Variants in VRK2 observed in about 807,000 individuals in gnomAD.
VRK2 encodes serine/threonine-protein kinase VRK2.
In VRK2, 60 loss-of-function variants were observed where a neutral mutation model predicts 57.6. The ratio of observed to expected loss-of-function variants is 1.04; its 90% CI spans 0.85 to 1.29. The LOEUF is 1.29. VRK2 is among the 50% of genes most tolerant of loss of function. The pLI is 0.00. For missense variants in VRK2, 705 were observed against 588.1 expected (o/e 1.20, Z -2.06); for synonymous variants, 231 against 199.2 (o/e 1.16, Z -1.35).
At chr2:58,001,232 G>A (rs901903540) in intron 1 of VRK2, among the ~76,000 whole-genome samples, 4 of 152,072 alleles carry the variant, frequency 2.6e-5, no homozygotes, top group African/African-American at 9.7e-5. Context: ...GAATAATCAG[G>A]TTTCAAAGTG....
At chr2:58,058,822 C>G (rs754092413) in intron 2 of VRK2, among the ~76,000 whole-genome samples, 2 of 151,960 alleles carry the variant, frequency 1.3e-5, no homozygotes, top group African/African-American at 2.4e-5. Context: ...AAAGAGGATA[C>G]GTAAATTACC....
intron 7 of VRK2, among the ~76,000 whole-genome samples, chr2:58,117,054 G>A (rs13017439): frequency 0.31 from 47,277 of 151,984 alleles, 8,599 homozygotes; most frequent in East Asian, 0.43. Context: ...TGTGGGGTTT[G>A]AGGGCCAGAT....
intron 1 of VRK2, among the ~76,000 whole-genome samples, chr2:57,955,780 A>G (rs1671568921): frequency 6.6e-6 from 1 of 152,190 alleles, no homozygotes; most frequent in African/African-American, 2.4e-5. Context: ...AATAAAATTT[A>G]CTGTGAGAGA....
intron 2 of VRK2, among the ~76,000 whole-genome samples, chr2:58,059,506 G>T (rs921986899): frequency 6.6e-6 from 1 of 151,818 alleles, no homozygotes; most frequent in Non-Finnish European, 1.5e-5. Context: ...GCTTAGAAAA[G>T]TAGGCCTTTT....
chr2:58,143,808 C>G (rs940631331), intron 11 of VRK2, among the ~76,000 whole-genome samples: 56 of 151,776 alleles, frequency 3.7e-4, no homozygotes, highest in African/African-American at 1.3e-3. Flanking sequence ...TCACAATAAT[C>G]AAGATACAGC....
intron 1 of VRK2, among the ~76,000 whole-genome samples, chr2:58,022,649 G>A (rs1005297913): frequency 4.6e-5 from 7 of 152,214 alleles, no homozygotes; most frequent in Admixed American, 1.3e-4. Context: ...GCCGAGGTGG[G>A]CAGATCACTT....
At chr2:58,076,612 A>T (rs1317740356) in intron 2 of VRK2, among the ~76,000 whole-genome samples, 1 of 151,540 alleles carries the variant, frequency 6.6e-6, no homozygotes, top group Non-Finnish European at 1.5e-5. Context: ...TAGGTTTTTT[A>T]TTTTTTGAAT....
intron 2 of VRK2, among the ~76,000 whole-genome samples, chr2:58,051,065 GA>G (rs1213974959): frequency 6.6e-6 from 1 of 152,114 alleles, no homozygotes; most frequent in Non-Finnish European, 1.5e-5. Flanking sequence ...GGATGGTCTC[GA>G]ACTCCTGACC....
At chr2:58,079,830 A>C (rs1214742361) in intron 2 of VRK2, among the ~76,000 whole-genome samples, 2 of 151,998 alleles carry the variant, frequency 1.3e-5, no homozygotes, top group Non-Finnish European at 2.9e-5. Context: ...TATGGTTGCT[A>C]GGTGTCCTCA....
chr2:57,961,735 T>A (rs182032047), intron 1 of VRK2, among the ~76,000 whole-genome samples: 183 of 150,212 alleles, frequency 1.2e-3, no homozygotes, highest in Non-Finnish European at 2.3e-3. Context: ...GACACAGACA[T>A]CAATACTTTC....
At chr2:58,002,720 A>G (rs1673127940) in intron 1 of VRK2, among the ~76,000 whole-genome samples, 1 of 152,228 alleles carries the variant, frequency 6.6e-6, no homozygotes, top group Non-Finnish European at 1.5e-5. Context: ...GGTAGAAATG[A>G]GCATAGGAAA....
chr2:58,066,992 C>G (rs1178046813), intron 2 of VRK2, among the ~76,000 whole-genome samples: 1 of 152,180 alleles, frequency 6.6e-6, no homozygotes, highest in East Asian at 1.9e-4. Context: ...TGGGCAGCAT[C>G]TAATCAGCTT....
intron 5 of VRK2, among the ~76,000 whole-genome samples, chr2:58,087,501 A>G (rs4672230): frequency 0.013 from 2,056 of 152,318 alleles, 64 homozygotes; most frequent in Admixed American, 0.082. Flanking sequence ...TTTGTAAAAC[A>G]AATTCCTAAG....
chr2:58,080,132 C>T (rs1431053992), intron 2 of VRK2, among the ~76,000 whole-genome samples: 2 of 151,858 alleles, frequency 1.3e-5, no homozygotes, highest in Non-Finnish European at 2.9e-5. Context: ...CAGAGGAAGA[C>T]AAGTAATAAA....
At chr2:58,140,250 A>G (rs1376542199) in intron 11 of VRK2, among the ~76,000 whole-genome samples, 5 of 151,988 alleles carry the variant, frequency 3.3e-5, no homozygotes, top group Non-Finnish European at 5.9e-5. Context: ...TGATATTTCA[A>G]TCCATGGAAA....
At chr2:58,130,035 A>G (rs1340633005) in intron 8 of VRK2, among the ~76,000 whole-genome samples, 1 of 152,180 alleles carries the variant, frequency 6.6e-6, no homozygotes, top group African/African-American at 2.4e-5. Context: ...TCAAATGAAG[A>G]CCAGTTTATG....
At chr2:57,950,863 G>A (rs1438828705) in intron 1 of VRK2, among the ~76,000 whole-genome samples, 1 of 151,968 alleles carries the variant, frequency 6.6e-6, no homozygotes, top group Non-Finnish European at 1.5e-5. Context: ...AGAGGCTGAG[G>A]CGGGTGGATC....
intron 7 of VRK2, among the ~76,000 whole-genome samples, chr2:58,099,973 T>C (rs970596954): frequency 3.9e-5 from 6 of 152,046 alleles, no homozygotes; most frequent in Non-Finnish European, 5.9e-5. Context: ...ATGTTTCTTA[T>C]AGTGTTTCCA....
intron 2 of VRK2, among the ~76,000 whole-genome samples, chr2:58,068,341 T>G (rs1386212121): frequency 6.6e-6 from 1 of 152,196 alleles, no homozygotes; most frequent in African/African-American, 2.4e-5. Flanking sequence ...TTGCTGGATG[T>G]TGGATTGATA....
Sources: allele counts gnomAD v4.1 joint callset (sites outside exome capture counted in the v4.1 genomes callset), GRCh38; gene constraint gnomAD v4.1.1; transcripts MANE v1.5; gene names NCBI Gene and HGNC (gene_info 2026-07-23, HGNC 2026-07-21).